The following RBFOX1 variants were observed in gnomAD, a reference collection of about 807,000 sequenced individuals.
RBFOX1 encodes RNA binding protein fox-1 homolog 1.
RBFOX1 carries 8 observed loss-of-function variants against 57.7 expected under a neutral mutation model. The observed-to-expected ratio is 0.14, with a 90% CI of 0.08 to 0.25. RBFOX1 has a LOEUF of 0.25. Among genes scored for constraint, RBFOX1 ranks in the 10% least tolerant of loss-of-function variants. RBFOX1 has a pLI of 1.00. For missense variants in RBFOX1, 611 were observed against 548.5 expected, an observed-to-expected ratio of 1.11 and a Z score of -1.14; for synonymous variants, 326 against 222.4, an observed-to-expected ratio of 1.47 and a Z score of -4.15.
intron 1 of RBFOX1, among the ~76,000 whole-genome samples, chr16:6,291,752 C>G (rs558119165): frequency 1.3e-5 from 2 of 152,338 alleles, no homozygotes; most frequent in South Asian, 4.1e-4. Flanking sequence ...GTATACTTCT[C>G]TTGATCTTGC....
At chr16:5,688,637 T>G (rs1490579176) in intron 3 of RBFOX1, among the ~76,000 whole-genome samples, 3 of 152,182 alleles carry the variant, frequency 2.0e-5, no homozygotes, top group Non-Finnish European at 2.9e-5. Context: ...GGGCCTGAAC[T>G]GGGTTACATT....
At chr16:7,063,276 C>T (rs1317262192) in intron 4 of RBFOX1, among the ~76,000 whole-genome samples, 1 of 151,956 alleles carries the variant, frequency 6.6e-6, no homozygotes, top group Non-Finnish European at 1.5e-5. Context: ...TCTGTCCTTC[C>T]CTGTAGGAGT....
chr16:7,534,727 G>A (rs1411678747), intron 5 of RBFOX1, among the ~76,000 whole-genome samples: 2 of 152,138 alleles, frequency 1.3e-5, no homozygotes, highest in Non-Finnish European at 2.9e-5. Context: ...GGGTTCCTAG[G>A]ATAGGAGACT....
chr16:6,441,260 G>C (rs796081386), intron 2 of RBFOX1, among the ~76,000 whole-genome samples: 19 of 152,258 alleles, frequency 1.2e-4, no homozygotes, highest in African/African-American at 4.6e-4. Context: ...AGAGAGAGTT[G>C]TAAGTATCTC....
At chr16:6,183,140 A>G (rs142937110) in intron 1 of RBFOX1, among the ~76,000 whole-genome samples, 7 of 152,254 alleles carry the variant, frequency 4.6e-5, no homozygotes, top group East Asian at 3.9e-4. Context: ...TGAGGATACA[A>G]TGTTTGTATT....
intron 5 of RBFOX1, among the ~76,000 whole-genome samples, chr16:7,565,442 A>G (rs923163853): frequency 1.3e-5 from 2 of 152,220 alleles, no homozygotes; most frequent in Admixed American, 1.3e-4. Flanking sequence ...TTCTGAGCTT[A>G]CAGTACAATG....
chr16:5,565,288 C>CGTGTGTTCACGTGCGTGT (rs1567235775), intron 2 of RBFOX1, among the ~76,000 whole-genome samples: 1 of 152,080 alleles, frequency 6.6e-6, no homozygotes, highest in African/African-American at 2.4e-5. Context: ...CACGTGCGTG[C>CGTGTGTTCACGTGCGTGT]GTGTGTTCAT....
intron 4 of RBFOX1, among the ~76,000 whole-genome samples, chr16:7,416,786 G>T (rs533521350): frequency 6.6e-6 from 1 of 152,102 alleles, no homozygotes. Flanking sequence ...TGACAATGAC[G>T]ATAGTGAGTA....
At chr16:5,714,644 G>T (rs902410444) in intron 3 of RBFOX1, among the ~76,000 whole-genome samples, 6 of 152,200 alleles carry the variant, frequency 3.9e-5, no homozygotes, top group African/African-American at 1.4e-4. Flanking sequence ...GATGTGCTTA[G>T]TAACGGTTTT....
At position 7,711,301 on chromosome 16, in the gene RBFOX1, T is replaced by A. The variant is rs536565050; in HGVS notation, c.*556T>A. The A allele has an allele frequency of 6.6e-6, 1 of 152,630 alleles. No homozygotes were observed. Among genetic ancestry groups the A allele is most frequent in the South Asian group, 2.1e-4 (1 of 4,816 alleles). The allele number at this position is 152,630 out of a possible 1,614,324, so 9.5% of individuals were successfully genotyped here. A position where few individuals can be genotyped will look rare whatever the true frequency, so the allele number is the denominator to read the frequency against. Reference sequence around the variant, plus strand: ...CAATCATTTATCAATGGTTCTAAGTTACTCATTGCCAGTTCAAGCCAAAGG... The same window carrying A: ...CAATCATTTATCAATGGTTCTAAGTAACTCATTGCCAGTTCAAGCCAAAGG... On this transcript the variant is annotated 3_prime_UTR_variant, in exon 16 of 16. Transcript: ENST00000550418.
chr16:7,179,431 C>T (rs941347032), intron 4 of RBFOX1, among the ~76,000 whole-genome samples: 3 of 152,102 alleles, frequency 2.0e-5, no homozygotes. Context: ...GTCCAATCTC[C>T]ACAATTTGTC....
intron 4 of RBFOX1, among the ~76,000 whole-genome samples, chr16:7,139,401 C>G (rs1233298083): frequency 6.6e-6 from 1 of 152,150 alleles, no homozygotes; most frequent in Non-Finnish European, 1.5e-5. Context: ...TAACTCTATT[C>G]CTTTTCCTTC....
At chr16:7,143,766 G>C (rs2074335251) in intron 4 of RBFOX1, among the ~76,000 whole-genome samples, 1 of 151,850 alleles carries the variant, frequency 6.6e-6, no homozygotes, top group Non-Finnish European at 1.5e-5. Context: ...CTATTTAGCA[G>C]TGCTTACTGA....
intron 2 of RBFOX1, among the ~76,000 whole-genome samples, chr16:5,546,281 T>A (rs2045201835): frequency 6.6e-6 from 1 of 152,150 alleles, no homozygotes; most frequent in Non-Finnish European, 1.5e-5. Flanking sequence ...CAAACCAGAA[T>A]CTCATCTAGG....
At chr16:5,500,683 A>T (rs1295433935) in intron 2 of RBFOX1, among the ~76,000 whole-genome samples, 1 of 152,152 alleles carries the variant, frequency 6.6e-6, no homozygotes, top group Non-Finnish European at 1.5e-5. Flanking sequence ...ATGGGTCCCA[A>T]CATTGAATGC....
chr16:5,533,688 A>G (rs1036824069), intron 2 of RBFOX1, among the ~76,000 whole-genome samples: 3 of 152,308 alleles, frequency 2.0e-5, no homozygotes, highest in Admixed American at 6.5e-5. Flanking sequence ...CTGGGAATCA[A>G]TTAGATTAGT....
chr16:7,035,340 G>T (rs909103379), intron 3 of RBFOX1, among the ~76,000 whole-genome samples: 3 of 152,056 alleles, frequency 2.0e-5, no homozygotes, highest in Admixed American at 6.5e-5. Context: ...CTAGTTAAAG[G>T]GTTCCACAGT....
At chr16:7,391,089 T>G (rs1410373183) in intron 4 of RBFOX1, among the ~76,000 whole-genome samples, 1 of 152,146 alleles carries the variant, frequency 6.6e-6, no homozygotes, top group Non-Finnish European at 1.5e-5. Context: ...ACATAGCTCT[T>G]ATCCTTAACT....
At chr16:7,254,635 C>T (rs1922597) in intron 4 of RBFOX1, among the ~76,000 whole-genome samples, 1 of 152,010 alleles carries the variant, frequency 6.6e-6, no homozygotes, top group Non-Finnish European at 1.5e-5. Flanking sequence ...AAAAATTTTT[C>T]TTTTCAATCC....
Sources: gnomAD v4.1 joint callset for allele counts (sites outside exome capture counted in the v4.1 genomes callset) on GRCh38, gnomAD v4.1.1 for gene constraint, MANE v1.5 for transcripts, NCBI Gene and HGNC (gene_info 2026-07-23, HGNC 2026-07-21) for gene names.